Variants in SDK1 observed in about 807,000 individuals in gnomAD.
The protein encoded by SDK1 is sidekick cell adhesion molecule 1.
In SDK1, 157 loss-of-function variants were observed where a neutral mutation model predicts 245.5. That is an observed-to-expected ratio of 0.64 (90% CI 0.56 to 0.73). SDK1 has a LOEUF of 0.73. Among genes scored for constraint, SDK1 ranks in the 30% least tolerant of loss-of-function variants. SDK1 has a pLI of 0.00. For missense variants in SDK1, 3,583 were observed against 3,002.3 expected (o/e 1.19, Z -4.52); for synonymous variants, 1,647 against 1,278.5 (o/e 1.29, Z -6.15).
chr7:3,899,045 C>T lies in SDK1; in HGVS notation c.848-51878C>T, dbSNP rs534632669. ...ATCGTATCAGCTCAATTTTAGGCCT[C>T]CTTTTGGTTTCCATTTAAGTCATGA... On this transcript the variant is annotated intron_variant, in intron 5 of 44. Coordinates refer to ENST00000404826, the MANE Select transcript of SDK1 (RefSeq NM_152744.4). Among the ~76,000 whole-genome samples, 8 of 152,260 alleles carry T rather than the reference C, an allele frequency of 5.3e-5. No homozygotes were observed. The South Asian group carries it at 1.0e-3, about 20-fold the overall frequency.
intron 4 of SDK1, among the ~76,000 whole-genome samples, chr7:3,732,969 A>G (rs1011385649): frequency 6.6e-6 from 1 of 152,154 alleles, no homozygotes; most frequent in Admixed American, 6.5e-5. Context: ...ATAGCAAGTA[A>G]TCTTGGGAGT....
At chr7:3,525,157 C>T (rs531599388) in intron 1 of SDK1, among the ~76,000 whole-genome samples, 1 of 151,916 alleles carries the variant, frequency 6.6e-6, no homozygotes, top group African/African-American at 2.4e-5. Flanking sequence ...TATGCCATTT[C>T]CTATCTGGGA....
chr7:3,820,775 G>A (rs1165282323), intron 4 of SDK1, among the ~76,000 whole-genome samples: 5 of 152,176 alleles, frequency 3.3e-5, no homozygotes, highest in African/African-American at 4.8e-5. Context: ...TGCATTAAAC[G>A]AGTCTCAGAG....
chr7:3,949,011 T>A (rs113781451), intron 5 of SDK1, among the ~76,000 whole-genome samples: 1 of 152,218 alleles, frequency 6.6e-6, no homozygotes, highest in East Asian at 1.9e-4. Flanking sequence ...GTTAGTCTGA[T>A]TGGCATTCCA....
At chr7:3,508,667 A>G (rs1185409746) in intron 1 of SDK1, among the ~76,000 whole-genome samples, 3 of 152,106 alleles carry the variant, frequency 2.0e-5, no homozygotes, top group Non-Finnish European at 2.9e-5. Flanking sequence ...AGATAGCTCT[A>G]ATTTCAAGAG....
intron 4 of SDK1, among the ~76,000 whole-genome samples, chr7:3,683,707 G>T (rs186633407): frequency 2.0e-5 from 3 of 152,332 alleles, no homozygotes; most frequent in Non-Finnish European, 4.4e-5. Flanking sequence ...CTTGGGACTT[G>T]AGGCATGAGG....
intron 44 of SDK1, among the ~76,000 whole-genome samples, chr7:4,264,301 G>A (rs1312393078): frequency 3.5e-5 from 4 of 115,134 alleles, no homozygotes; most frequent in South Asian, 3.0e-4. Flanking sequence ...TGGGGAGGCC[G>A]TGTAGACCTC....
chr7:3,980,939 C>T (rs78239601), intron 13 of SDK1, among the ~76,000 whole-genome samples: 2 of 142,572 alleles, frequency 1.4e-5, no homozygotes, highest in East Asian at 4.2e-4. Context: ...GACTCCATCT[C>T]AAAAAAAAAA....
At chr7:3,966,702 T>C (rs1782110111) in intron 9 of SDK1, among the ~76,000 whole-genome samples, 1 of 152,152 alleles carries the variant, frequency 6.6e-6, no homozygotes, top group Non-Finnish European at 1.5e-5. Context: ...GTTTTTGTTT[T>C]TGAGATAAGG....
At chr7:4,202,648 G>A (rs1161301243) in intron 35 of SDK1, among the ~76,000 whole-genome samples, 1 of 152,250 alleles carries the variant, frequency 6.6e-6, no homozygotes, top group African/African-American at 2.4e-5. Flanking sequence ...GGCGGAGGCT[G>A]AATGAATGAG....
intron 1 of SDK1, among the ~76,000 whole-genome samples, chr7:3,419,322 C>A (rs530817153): frequency 6.6e-6 from 1 of 152,180 alleles, no homozygotes; most frequent in Non-Finnish European, 1.5e-5. Flanking sequence ...TATACTGCGT[C>A]TCTGTGGCCA....
intron 4 of SDK1, among the ~76,000 whole-genome samples, chr7:3,718,654 C>T (rs1328589527): frequency 3.3e-5 from 5 of 152,040 alleles, no homozygotes; most frequent in South Asian, 2.1e-4. Flanking sequence ...TCATCAACTT[C>T]GTAAAGAGTA....
At chr7:3,914,401 A>C (rs1204801778) in intron 5 of SDK1, among the ~76,000 whole-genome samples, 1 of 152,240 alleles carries the variant, frequency 6.6e-6, no homozygotes, top group Non-Finnish European at 1.5e-5. Context: ...GTACATGTGC[A>C]CATATAGAGA....
At chr7:3,600,709 C>T (rs952620262) in intron 1 of SDK1, among the ~76,000 whole-genome samples, 5 of 151,840 alleles carry the variant, frequency 3.3e-5, no homozygotes, top group South Asian at 2.1e-4. Flanking sequence ...CCACCACGCC[C>T]GGTTAATTTT....
intron 1 of SDK1, among the ~76,000 whole-genome samples, chr7:3,544,147 A>G (rs1031750672): frequency 3.9e-5 from 6 of 152,194 alleles, no homozygotes; most frequent in African/African-American, 1.4e-4. Context: ...TCATTTTTAA[A>G]TGCCTGTGGA....
chr7:3,988,235 T>A (rs1480805122), intron 14 of SDK1, among the ~76,000 whole-genome samples: 1 of 147,412 alleles, frequency 6.8e-6, no homozygotes, highest in Non-Finnish European at 1.5e-5. Flanking sequence ...ACCCTAGGAA[T>A]GGTCCCCAAT....
At chr7:3,447,335 A>G (rs375764922) in intron 1 of SDK1, among the ~76,000 whole-genome samples, 51 of 152,304 alleles carry the variant, frequency 3.3e-4, no homozygotes, top group African/African-American at 1.2e-3. Flanking sequence ...ATCTCTTCTC[A>G]AATAATGTGA....
At chr7:3,694,734 C>A (rs1036186384) in intron 4 of SDK1, among the ~76,000 whole-genome samples, 2 of 152,072 alleles carry the variant, frequency 1.3e-5, no homozygotes, top group Non-Finnish European at 2.9e-5. Flanking sequence ...TTTCTGATTC[C>A]ATAGTTTGAG....
intron 5 of SDK1, among the ~76,000 whole-genome samples, chr7:3,922,455 C>T (rs545536419): frequency 1.5e-4 from 23 of 152,340 alleles, no homozygotes; most frequent in South Asian, 1.0e-3. Context: ...GATGTTCCTC[C>T]GAATACCACT....
Sources: allele counts gnomAD v4.1 joint callset (sites outside exome capture counted in the v4.1 genomes callset), GRCh38; gene constraint gnomAD v4.1.1; transcripts MANE v1.5; gene names NCBI Gene and HGNC (gene_info 2026-07-23, HGNC 2026-07-21).